The following MEI4 variants were observed in gnomAD, a reference collection of about 807,000 sequenced individuals.
MEI4 encodes the protein meiotic double-stranded break formation protein 4.
A neutral mutation model predicts 31.4 loss-of-function variants in MEI4; 27 were observed. The observed-to-expected ratio is 0.86, with a 90% CI of 0.63 to 1.19. MEI4 has a LOEUF of 1.19. Among genes scored for constraint, MEI4 ranks in the 50% most tolerant of loss-of-function variants. The probability of loss-of-function intolerance (pLI) is 0.00; values close to 1 mark genes in which losing one functional copy is unlikely to be tolerated. For missense variants in MEI4, 329 were observed against 398.9 expected (o/e 0.82, Z 1.49); for synonymous variants, 122 against 145.4 (o/e 0.84, Z 1.16).
At chr6:77,786,219 C>CAT (rs765628107) in intron 3 of MEI4, among the ~76,000 whole-genome samples, 23 of 151,684 alleles carry the variant, frequency 1.5e-4, no homozygotes, top group African/African-American at 2.4e-4. Context: ...GGGGAAATTA[C>CAT]ATATATATAT....
chr6:77,798,300 TATTG>T (rs1329851136), intron 3 of MEI4, among the ~76,000 whole-genome samples: 3 of 151,432 alleles, frequency 2.0e-5, no homozygotes, highest in East Asian at 1.9e-4. Context: ...AATCCTAACG[TATTG>T]ATTATTATTC....
At position 77,744,723 on chromosome 6, in the gene MEI4, GGT is replaced by G. The variant is rs1163933902; in HGVS notation, c.233-16406_233-16405del. Among the ~76,000 whole-genome samples, 213 of 152,298 alleles carry G rather than the reference GGT, an allele frequency of 1.4e-3. 1 individual carries two copies. Among genetic ancestry groups the G allele is most frequent in the African/African-American group, 4.5e-3 (187 of 41,556 alleles). ...ATTGTTAAGGGCAGCCAGAGAGAAA[GGT>G]ATGGTTACCCACAAGGGGAAGCCCA... On this transcript the variant is annotated intron_variant, in intron 2 of 4. Transcript: ENST00000684080.
chr6:77,678,824 G>C (rs928974896), intron 1 of MEI4, among the ~76,000 whole-genome samples: 1 of 152,124 alleles, frequency 6.6e-6, no homozygotes, highest in Non-Finnish European at 1.5e-5. Context: ...TATTGCCCCT[G>C]AAGACCTTCC....
At position 77,761,132 on chromosome 6, in the gene MEI4, T is replaced by C; in HGVS notation, c.235T>C (p.Tyr79His). 8.1e-7 allele frequency: 1 copy of C among 1,231,966 alleles called. No individual in the cohort carries two copies. Among genetic ancestry groups the C allele is most frequent in the Non-Finnish European group, 1.0e-6 (1 of 987,816 alleles). The allele number at this position is 1,231,966 out of a possible 1,614,324, so 76.3% of individuals were successfully genotyped here. Residue 79 changes from tyrosine to histidine, a missense_variant and splice_region_variant, in exon 3 of 5, where the codon TAC becomes CAC. Physicochemically the swap from Tyr to His is moderately conservative, Grantham distance 83 (BLOSUM62 2). Coordinates refer to ENST00000684080, the MANE Select transcript of MEI4 (RefSeq NM_001322247.2). The stretch of plus-strand genomic sequence containing the variant: ...CCTTCTATTCCTTTATTTTTCAGGA[T>C]ACGTTTCCTCCCAGTTGGAGGCTCA... ...RLCSGSFKSG[Y>H]VSSQLEAQEP...
intron 3 of MEI4, among the ~76,000 whole-genome samples, chr6:77,803,366 C>T (rs1769327503): frequency 1.3e-5 from 2 of 152,102 alleles, no homozygotes; most frequent in African/African-American, 4.8e-5. Flanking sequence ...TCTAGGTAGT[C>T]ATTGGTCTAA....
At chr6:77,736,637 A>G (rs1002628861) in intron 2 of MEI4, among the ~76,000 whole-genome samples, 18 of 152,154 alleles carry the variant, frequency 1.2e-4, no homozygotes, top group African/African-American at 4.1e-4. Context: ...AGCTGTTCCT[A>G]TTCGGCCATT....
Position 77,831,507 on chromosome 6 carries a change from TTATATA to T in MEI4, c.900+2458_900+2463del, listed in dbSNP as rs71546073. Among the ~76,000 whole-genome samples the T allele has an allele frequency of 3.4e-5, 5 of 147,468 alleles. No individual in the cohort carries two copies. The Admixed American group carries it at 3.4e-4, about 10-fold the overall frequency. On this transcript the variant is annotated intron_variant, in intron 4 of 4. Coordinates refer to ENST00000684080, the MANE Select transcript of MEI4 (RefSeq NM_001322247.2). ...ACTAAATGAATGAATAAAGATAATT[TTATATA>T]TATATATATATACCAAATAATAATA...
Position 77,923,214 on chromosome 6 carries a change from A to G in MEI4, c.1026A>G (p.Glu342=). ...NTSSIGHDDQ[E]IKKFLQKHDE... ...CAAGTATAGGTCATGATGACCAAGAAATCAAGAAATTTCTTCAGAAGCATG... is the reference window on the plus strand; with the variant it reads ...CAAGTATAGGTCATGATGACCAAGAGATCAAGAAATTTCTTCAGAAGCATG... The change falls in exon 5 of 5, where the codon GAA becomes GAG. Residue 342 remains glutamate (E), a synonymous_variant. Transcript: ENST00000684080. The G allele has an allele frequency of 8.1e-7, 1 of 1,230,618 alleles. No individual in the cohort carries two copies. The highest frequency in any genetic ancestry group is 1.0e-6 in the Non-Finnish European group (1 of 986,942). 76.2% of individuals were successfully genotyped at this position (1,230,618 alleles called of 1,614,324 possible). A position where few individuals can be genotyped will look rare whatever the true frequency, so the allele number is the denominator to read the frequency against.
chr6:77,875,581 C>G (rs1771314073), intron 4 of MEI4, among the ~76,000 whole-genome samples: 1 of 152,122 alleles, frequency 6.6e-6, no homozygotes, highest in African/African-American at 2.4e-5. Flanking sequence ...AGTGATTTGT[C>G]AGCATTCAAA....
At chr6:77,692,475 GT>G (rs896910791) in intron 2 of MEI4, among the ~76,000 whole-genome samples, 1 of 152,018 alleles carries the variant, frequency 6.6e-6, no homozygotes, top group African/African-American at 2.4e-5. Flanking sequence ...CATAGAGGAT[GT>G]TTTGGCTATA....
chr6:77,736,220 G>A (rs372903093), intron 2 of MEI4, among the ~76,000 whole-genome samples: 6 of 152,072 alleles, frequency 3.9e-5, no homozygotes, highest in African/African-American at 7.2e-5. Context: ...AATGGCGGGC[G>A]CCCCTCCCCC....
intron 4 of MEI4, among the ~76,000 whole-genome samples, chr6:77,895,418 G>T (rs564579179): frequency 6.6e-6 from 1 of 152,168 alleles, no homozygotes; most frequent in South Asian, 2.1e-4. Flanking sequence ...ATACTCCTTG[G>T]TAGCAGCCAA....
At chr6:77,714,248 CAA>C (rs1476432195) in intron 2 of MEI4, among the ~76,000 whole-genome samples, 3 of 150,592 alleles carry the variant, frequency 2.0e-5, no homozygotes, top group Non-Finnish European at 4.4e-5. Context: ...AAAAAAAAAA[CAA>C]AACAGAAAAG....
At chr6:77,892,720 G>A (rs1274043150) in intron 4 of MEI4, among the ~76,000 whole-genome samples, 1 of 152,130 alleles carries the variant, frequency 6.6e-6, no homozygotes, top group Non-Finnish European at 1.5e-5. Context: ...CAGTCCAGCT[G>A]GCCTTATGTC....
intron 3 of MEI4, among the ~76,000 whole-genome samples, chr6:77,782,314 T>C (rs1447950553): frequency 6.6e-6 from 1 of 152,150 alleles, no homozygotes. Context: ...TATGTGATTT[T>C]ATACATAAGG....
chr6:77,663,701 G>A (rs1266604798), intron 1 of MEI4, among the ~76,000 whole-genome samples: 2 of 152,108 alleles, frequency 1.3e-5, no homozygotes, highest in Non-Finnish European at 2.9e-5. Context: ...ATGTGGAGTG[G>A]GTAGCCTCCG....
chr6:77,862,845 G>A (rs191491014), intron 4 of MEI4, among the ~76,000 whole-genome samples: 2 of 152,230 alleles, frequency 1.3e-5, no homozygotes, highest in African/African-American at 2.4e-5. Context: ...AGACTGACAC[G>A]TCACATGGCT....
At chr6:77,690,179 G>T (rs1434700250) in intron 1 of MEI4, among the ~76,000 whole-genome samples, 1 of 151,976 alleles carries the variant, frequency 6.6e-6, no homozygotes, top group Non-Finnish European at 1.5e-5. Flanking sequence ...AGGAATGCAA[G>T]ATTTAACAGA....
chr6:77,868,940 G>A (rs931835296), intron 4 of MEI4, among the ~76,000 whole-genome samples: 6 of 151,970 alleles, frequency 3.9e-5, no homozygotes, highest in African/African-American at 1.4e-4. Flanking sequence ...TGGTTCATAC[G>A]GCACTCCTTG....
Sources: allele counts gnomAD v4.1 joint callset (sites outside exome capture counted in the v4.1 genomes callset), GRCh38; gene constraint gnomAD v4.1.1; transcripts MANE v1.5; gene names NCBI Gene and HGNC (gene_info 2026-07-23, HGNC 2026-07-21).